Variants in AFG2A observed in about 807,000 individuals in gnomAD.
AFG2A encodes ATPase family gene 2 protein homolog A.
the AFG2A span, among the ~76,000 whole-genome samples, chr4:123,219,045 A>G: frequency 2.6e-5 from 4 of 152,356 alleles, no homozygotes; most frequent in Non-Finnish European, 4.4e-5. Flanking sequence ...GTGAAGTCCC[A>G]TGATAGGCTA....
At chr4:123,012,286 G>T in the AFG2A span, among the ~76,000 whole-genome samples, 1 of 143,312 alleles carries the variant, frequency 7.0e-6, no homozygotes, top group Non-Finnish European at 1.5e-5. Context: ...GAGAGAAGGG[G>T]TGGGGGTGCT....
chr4:123,304,555 A>T, the AFG2A span, among the ~76,000 whole-genome samples: 1 of 152,188 alleles, frequency 6.6e-6, no homozygotes, highest in South Asian at 2.1e-4. Flanking sequence ...GCTGCAGCCC[A>T]ATTAAGCTCA....
chr4:123,224,385 G>A, the AFG2A span, among the ~76,000 whole-genome samples: 1,825 of 147,422 alleles, frequency 0.012, 15 homozygotes, highest in Non-Finnish European at 0.019. Flanking sequence ...AACAGGCCCC[G>A]GTGTGTGATG....
At chr4:123,180,861 C>A in the AFG2A span, among the ~76,000 whole-genome samples, 1 of 151,782 alleles carries the variant, frequency 6.6e-6, no homozygotes, top group Non-Finnish European at 1.5e-5. Flanking sequence ...AAACAAGGGT[C>A]AGCAAACTTT....
the AFG2A span, among the ~76,000 whole-genome samples, chr4:123,116,126 C>T: frequency 1.2e-4 from 18 of 152,138 alleles, no homozygotes; most frequent in South Asian, 6.2e-4. Flanking sequence ...CTCCAACTCC[C>T]AGGCTCTCAC....
At chr4:123,136,203 C>T in the AFG2A span, among the ~76,000 whole-genome samples, 1 of 152,108 alleles carries the variant, frequency 6.6e-6, no homozygotes, top group Non-Finnish European at 1.5e-5. Flanking sequence ...ACGACATTGT[C>T]CTAACTTGTC....
chr4:123,280,840 T>TTAGAAGG, the AFG2A span, among the ~76,000 whole-genome samples: 1 of 152,152 alleles, frequency 6.6e-6, no homozygotes, highest in East Asian at 1.9e-4. Context: ...GTTCCAGGGA[T>TTAGAAGG]TAGAAGGTGG....
At chr4:123,197,770 A>T in the AFG2A span, among the ~76,000 whole-genome samples, 1 of 149,400 alleles carries the variant, frequency 6.7e-6, no homozygotes, top group African/African-American at 2.4e-5. Context: ...TCCATCTCAA[A>T]AAATAAATAA....
the AFG2A span, among the ~76,000 whole-genome samples, chr4:123,310,072 C>T: frequency 6.6e-6 from 1 of 152,196 alleles, no homozygotes; most frequent in African/African-American, 2.4e-5. Flanking sequence ...TCCAAATCTA[C>T]CTTTTTATTC....
the AFG2A span, among the ~76,000 whole-genome samples, chr4:122,981,892 CTTTT>C: frequency 6.9e-6 from 1 of 145,466 alleles, no homozygotes; most frequent in Non-Finnish European, 1.5e-5. Flanking sequence ...TGGTTTTAAT[CTTTT>C]TTTTTTGGTG....
the AFG2A span, among the ~76,000 whole-genome samples, chr4:123,196,871 GCT>G: frequency 3.0e-4 from 46 of 152,200 alleles, no homozygotes; most frequent in Non-Finnish European, 4.9e-4. Context: ...GCAATCCAAA[GCT>G]CTCTGTTAAA....
At chr4:123,049,416 A>G in the AFG2A span, among the ~76,000 whole-genome samples, 7 of 152,130 alleles carry the variant, frequency 4.6e-5, no homozygotes, top group Non-Finnish European at 1.5e-5. Flanking sequence ...AATATTAATA[A>G]TTAGCAGAAT....
chr4:123,117,454 T>C, the AFG2A span, among the ~76,000 whole-genome samples: 10 of 149,408 alleles, frequency 6.7e-5, no homozygotes, highest in Non-Finnish European at 1.3e-4. Flanking sequence ...ATAGTACCCA[T>C]TATGGAACCA....
At chr4:123,102,632 C>T in the AFG2A span, among the ~76,000 whole-genome samples, 1 of 151,906 alleles carries the variant, frequency 6.6e-6, no homozygotes, top group Admixed American at 6.6e-5. Flanking sequence ...TGTTAATGCT[C>T]CTAGAATCTC....
At chr4:123,056,847 T>G in the AFG2A span, among the ~76,000 whole-genome samples, 2 of 152,212 alleles carry the variant, frequency 1.3e-5, no homozygotes, top group African/African-American at 4.8e-5. Context: ...GTGTTTATTA[T>G]CTCCATTTTA....
the AFG2A span, among the ~76,000 whole-genome samples, chr4:123,131,332 A>G: frequency 6.6e-6 from 1 of 152,166 alleles, no homozygotes; most frequent in South Asian, 2.1e-4. Flanking sequence ...GCGGTAAAAA[A>G]GCACATAACA....
the AFG2A span, among the ~76,000 whole-genome samples, chr4:122,984,161 G>C: frequency 6.6e-6 from 1 of 152,232 alleles, no homozygotes; most frequent in Non-Finnish European, 1.5e-5. Context: ...TTTCCTTGTA[G>C]AGGTCTTTCG....
chr4:123,104,017 A>G, the AFG2A span, among the ~76,000 whole-genome samples: 21,953 of 152,026 alleles, frequency 0.14, 2,080 homozygotes, highest in East Asian at 0.45. Context: ...TAGATATTCT[A>G]TATCTTGGCT....
chr4:123,057,033 A>G, the AFG2A span, among the ~76,000 whole-genome samples: 6 of 152,310 alleles, frequency 3.9e-5, no homozygotes, highest in South Asian at 6.2e-4. Context: ...ATTGAAGGGG[A>G]TACTTTTACA....
Sources: allele counts gnomAD v4.1 joint callset (sites outside exome capture counted in the v4.1 genomes callset), GRCh38; gene constraint gnomAD v4.1.1; transcripts MANE v1.5; gene names NCBI Gene and HGNC (gene_info 2026-07-23, HGNC 2026-07-21).